The following CACNA1I variants were observed in gnomAD, a reference collection of about 807,000 sequenced individuals.
CACNA1I encodes the protein voltage-dependent T-type calcium channel subunit alpha-1I.
CACNA1I carries 74 observed loss-of-function variants against 201.6 expected under a neutral mutation model. That is an observed-to-expected ratio of 0.37 (90% CI 0.30 to 0.45). The LOEUF is 0.45. Ranked by LOEUF, CACNA1I falls within the 20% of genes least tolerant of loss-of-function variation. CACNA1I has a pLI of 1.00. For synonymous variants in CACNA1I, 1,431 were observed against 1,345.2 expected (o/e 1.06, Z -1.40); for missense variants, 2,346 against 3,138.1 (o/e 0.75, Z 6.03).
chr22:39,574,666 AGTAG>A (rs201019074), intron 1 of CACNA1I, among the ~76,000 whole-genome samples: 4,711 of 152,190 alleles, frequency 0.031, 262 homozygotes, highest in African/African-American at 0.11. Flanking sequence ...CATATTCAAT[AGTAG>A]TAGTGTCCTT....
rs766577530 is a variant in CACNA1I, at chr22:39,677,810, GAGCCCC to G, written c.4934-173_4934-168del. Among the ~76,000 whole-genome samples, 2 of 152,178 alleles carry G rather than the reference GAGCCCC, an allele frequency of 1.3e-5. No individual in the cohort carries two copies. The highest frequency in any genetic ancestry group is 2.9e-5 in the Non-Finnish European group (2 of 68,026). On this transcript the variant is annotated intron_variant, in intron 30 of 36. Transcript: ENST00000402142. The surrounding 1 kb of genome is among the most constrained non-coding windows in gnomAD (Gnocchi z 4.8). ...AGCAGAGCCAGACTCACCCAAACCTGAGCCCCAGCTCATGTGCCATCTCCCCGAGCC... is the reference window on the plus strand; with the variant it reads ...AGCAGAGCCAGACTCACCCAAACCTGAGCTCATGTGCCATCTCCCCGAGCC...
At chr22:39,622,198 C>T (rs753850087) in intron 4 of CACNA1I, among the ~76,000 whole-genome samples, 5 of 152,134 alleles carry the variant, frequency 3.3e-5, no homozygotes, top group African/African-American at 4.8e-5. Flanking sequence ...GCCAAAGACA[C>T]GTGTGAAATG....
intron 1 of CACNA1I, among the ~76,000 whole-genome samples, chr22:39,593,706 A>G (rs1932848538): frequency 6.6e-6 from 1 of 152,084 alleles, no homozygotes. Context: ...TTTCAGGCAG[A>G]TTAGCCTGGC....
intron 17 of CACNA1I, 130 bp downstream of exon 17, chr22:39,662,565 G>A: frequency 1.3e-6 from 1 of 756,098 alleles, no homozygotes; most frequent in Non-Finnish European, 2.0e-6. Context: ...GGAGCGGCTA[G>A]GGCTTCAGGT....
chr22:39,675,399 C>T (rs1935488775), intron 29 of CACNA1I, among the ~76,000 whole-genome samples: 1 of 152,104 alleles, frequency 6.6e-6, no homozygotes, highest in Admixed American at 6.5e-5. Context: ...TGCTCTGACC[C>T]CTGGGCGGTT....
intron 24 of CACNA1I, among the ~76,000 whole-genome samples, chr22:39,669,668 A>ATGGG (rs1935308296): frequency 6.7e-6 from 1 of 149,676 alleles, no homozygotes. Context: ...GAGTGGATGG[A>ATGGG]TGGGTGGGTG....
intron 1 of CACNA1I, among the ~76,000 whole-genome samples, chr22:39,596,828 A>C (rs1007577103): frequency 6.6e-6 from 1 of 152,094 alleles, no homozygotes; most frequent in African/African-American, 2.4e-5. Flanking sequence ...AGAGCCAGTC[A>C]GTGCTGGGAC....
At chr22:39,680,688 T>C (rs1935677009) in intron 33 of CACNA1I, among the ~76,000 whole-genome samples, 1 of 152,108 alleles carries the variant, frequency 6.6e-6, no homozygotes. Context: ...CAGGTCCAGG[T>C]AGCAAGATGG....
intron 7 of CACNA1I, among the ~76,000 whole-genome samples, chr22:39,644,263 T>C (rs1002625453): frequency 1.3e-5 from 2 of 152,042 alleles, no homozygotes; most frequent in African/African-American, 4.8e-5. Context: ...GCTCTCGCTG[T>C]GGGGTTAAGG....
Position 39,662,820 on chromosome 22 carries a change from C to T in CACNA1I, c.3417C>T (p.Pro1139=). ...RVRKMIDVYK[P]DWCEVREDWS... Reference sequence around the variant, plus strand: ...GCAAGATGATCGACGTCTATAAGCCCGACTGGTGCGAGGTCCGCGAAGACT... The same window carrying T: ...GCAAGATGATCGACGTCTATAAGCCTGACTGGTGCGAGGTCCGCGAAGACT... The change falls in exon 18 of 37, where the codon CCC becomes CCT. Residue 1139 remains proline, a synonymous_variant. Transcript: ENST00000402142. 1 of 1,602,294 alleles carries T rather than the reference C, an allele frequency of 6.2e-7. No individual in the cohort carries two copies. The highest frequency in any genetic ancestry group is 2.2e-5 in the East Asian group (1 of 44,454).
intron 1 of CACNA1I, among the ~76,000 whole-genome samples, chr22:39,594,235 G>C (rs1385544197): frequency 2.0e-5 from 3 of 152,056 alleles, no homozygotes; most frequent in African/African-American, 7.2e-5. Context: ...ACTGCTCAGG[G>C]CCTTGTTGAG....
intron 1 of CACNA1I, among the ~76,000 whole-genome samples, chr22:39,586,704 A>G (rs1392677098): frequency 1.3e-5 from 2 of 152,134 alleles, no homozygotes; most frequent in African/African-American, 2.4e-5. Context: ...TTGGGAATGC[A>G]CACATGAACA....
rs748220735 is a variant in CACNA1I at position 39,640,872 on chromosome 22, G to A, written c.746G>A (p.Gly249Glu). 3.7e-5 allele frequency: 60 copies of A among 1,611,664 alleles called. No homozygotes were observed. Among genetic ancestry groups the A allele is most frequent in the Non-Finnish European group, 4.6e-5 (54 of 1,178,754 alleles). Residue 249 changes from glycine (G) to glutamate (E), a missense_variant, in exon 6 of 37, where the codon GGG becomes GAG. By Grantham distance (98) the Gly-to-Glu change is moderately conservative (BLOSUM62 -2). Around this residue, in one of 13 missense-constraint regions of CACNA1I, gnomAD observed 227 missense variants for 412.5 expected, o/e 0.55. Coordinates refer to ENST00000402142, the MANE Select transcript of CACNA1I (RefSeq NM_021096.4). ...CFLEENFTIQ[G>E]DVALPPYYQP... is the part of the protein sequence containing the mutation. ...CCACCCTCGCCTGTGGACAGACAAGGGGATGTGGCCTTGCCCCCATACTAC... is the reference window on the plus strand; with the variant it reads ...CCACCCTCGCCTGTGGACAGACAAGAGGATGTGGCCTTGCCCCCATACTAC...
intron 3 of CACNA1I, among the ~76,000 whole-genome samples, chr22:39,613,891 G>T (rs1209443570): frequency 6.6e-6 from 1 of 151,994 alleles, no homozygotes; most frequent in Non-Finnish European, 1.5e-5. Context: ...AGGCTGGAGT[G>T]CAGTGGCGCA....
intron 24 of CACNA1I, among the ~76,000 whole-genome samples, chr22:39,669,077 A>C (rs916798201): frequency 6.6e-6 from 1 of 152,116 alleles, no homozygotes; most frequent in Non-Finnish European, 1.5e-5. Flanking sequence ...CGGGGACTTT[A>C]GGCAAGACGT....
intron 4 of CACNA1I, among the ~76,000 whole-genome samples, chr22:39,625,964 G>A (rs955244178): frequency 3.9e-5 from 6 of 152,368 alleles, no homozygotes; most frequent in Admixed American, 2.0e-4. Context: ...CACTGCCAAG[G>A]CCTGGCCAGA....
Position 39,665,286 on chromosome 22 carries a change from G to T in CACNA1I, c.3852-212G>T, listed in dbSNP as rs895145726. On this transcript the variant is annotated intron_variant, in intron 21 of 36. Coordinates refer to ENST00000402142, the MANE Select transcript of CACNA1I (RefSeq NM_021096.4). This position sits in a 1 kb window ranked among gnomAD's most constrained non-coding sequence, Gnocchi z 5.5. ...GCTGCTGTAGATCTGAGGCCTGGGTGCAGCTTGCCTCCTGCTCTGCCCGTG... is the reference window on the plus strand; with the variant it reads ...GCTGCTGTAGATCTGAGGCCTGGGTTCAGCTTGCCTCCTGCTCTGCCCGTG... Among the ~76,000 whole-genome samples, 5 of 152,148 alleles carry T rather than the reference G, an allele frequency of 3.3e-5. No individual in the cohort carries two copies. The highest frequency in any genetic ancestry group is 1.5e-5 in the Non-Finnish European group (1 of 68,014).
At chr22:39,612,175 G>C (rs994144110) in intron 3 of CACNA1I, among the ~76,000 whole-genome samples, 4 of 152,124 alleles carry the variant, frequency 2.6e-5, no homozygotes, top group African/African-American at 7.2e-5. Flanking sequence ...CTGATGAGAG[G>C]GATGAGTTTG....
chr22:39,614,246 C>T (rs1226559706), intron 3 of CACNA1I, among the ~76,000 whole-genome samples: 1 of 152,160 alleles, frequency 6.6e-6, no homozygotes, highest in Non-Finnish European at 1.5e-5. Context: ...AAGCTTGCGG[C>T]AGGTAGCGAG....
Sources: gnomAD v4.1 joint callset for allele counts (sites outside exome capture counted in the v4.1 genomes callset) on GRCh38, gnomAD v4.1.1 for gene constraint, gnomAD v4.1.1 regional missense constraint, Gnocchi (gnomAD v3.1) non-coding constraint, MANE v1.5 for transcripts, NCBI Gene and HGNC (gene_info 2026-07-23, HGNC 2026-07-21) for gene names.